Variants in SBF1 observed in about 807,000 individuals in gnomAD.
The protein encoded by SBF1 is myotubularin-related protein 5.
A neutral mutation model predicts 215.8 loss-of-function variants in SBF1; 65 were observed. That is an observed-to-expected ratio of 0.30 (90% CI 0.25 to 0.37). SBF1 has a LOEUF of 0.37. SBF1 is among the 10% of genes least tolerant of loss of function. SBF1 has a pLI of 1.00. For missense variants in SBF1, 2,634 were observed against 2,667.8 expected, an observed-to-expected ratio of 0.99 and a Z score of 0.28; for synonymous variants, 1,410 against 1,122.8, an observed-to-expected ratio of 1.26 and a Z score of -5.11.
chr22:50,470,701 C>T (rs1377613923), intron 1 of SBF1, among the ~76,000 whole-genome samples: 1 of 152,202 alleles, frequency 6.6e-6, no homozygotes, highest in African/African-American at 2.4e-5. Flanking sequence ...TGGGACGGAC[C>T]ACAGGCTAAT....
Position 50,461,167 on chromosome 22 carries a change from T to C in SBF1, c.2959A>G (p.Thr987Ala), listed in dbSNP as rs768291509. 2 of 1,604,758 alleles carry C rather than the reference T, an allele frequency of 1.2e-6. No homozygotes were observed. The highest frequency in any genetic ancestry group is 3.4e-5 in the Admixed American group (2 of 59,346). The change falls in exon 23 of 41, where the codon ACA becomes GCA. Residue 987 changes from threonine (T) to alanine (A), a missense_variant. Transcript: ENST00000380817. ...LQDGLQLRSCTFQLLKMAFDE... is the reference protein window; with the variant it reads ...LQDGLQLRSCAFQLLKMAFDE... ...CGCGCACCGCGCCCCACCTGGAATG[T>C]GCAGGAGCGCAGCTGGAGCCCGTCC...
Position 50,451,166 on chromosome 22 carries a change from C to CA in SBF1, c.5044-2517dup, listed in dbSNP as rs58188399. 8.9e-3 allele frequency among the ~76,000 whole-genome samples: 738 copies of CA among 83,166 alleles called. 55 individuals are homozygous for CA. The highest frequency in any genetic ancestry group is 0.02 in the African/African-American group (370 of 18,702). 54.6% of individuals were successfully genotyped at this position (83,166 alleles called of 152,430 possible). A position where few individuals can be genotyped will look rare whatever the true frequency, so the allele number is the denominator to read the frequency against. On this transcript the variant is annotated intron_variant, in intron 36 of 40. Coordinates refer to ENST00000380817, the MANE Select transcript of SBF1 (RefSeq NM_002972.4). ...GTGACATAGGGAGACCCCATCTCTA[C>CA]AAAAAAAAAAAAAAAAAAAAAAAAA...
At chr22:50,470,365 T>C (rs1453143432) in intron 1 of SBF1, among the ~76,000 whole-genome samples, 1 of 152,132 alleles carries the variant, frequency 6.6e-6, no homozygotes, top group African/African-American at 2.4e-5. Flanking sequence ...ACCATCTACC[T>C]TGACCCTCTC....
chr22:50,454,569 C>G lies in SBF1; in HGVS notation c.4986G>C (p.Trp1662Cys), dbSNP rs1211341857. The change falls in exon 36 of 41, where the codon TGG becomes TGC. Residue 1662 changes from tryptophan to cysteine, a missense_variant. By Grantham distance (215) the Trp-to-Cys change is radical. Transcript: ENST00000380817. ...GAPQSRRRVV[W>C]PCYDSCPRAQ... is the part of the protein sequence containing the mutation. ...CCCGCGGGCAGCTGTCGTAACAGGG[C>G]CACACCACGCGGCGCCTGCTCTGGG... 1.2e-6 allele frequency: 2 copies of G among 1,611,600 alleles called. No homozygotes were observed. The highest frequency in any genetic ancestry group is 2.2e-5 in the East Asian group (1 of 44,874).
rs568891802 is a variant in SBF1, at chr22:50,463,218, G to A, written c.1899+65C>T. 4.8e-5 allele frequency: 76 copies of A among 1,590,380 alleles called. 2 individuals are homozygous for A. In the South Asian group the frequency reaches 7.1e-4, roughly 15 times the overall value. ...CTCTCCACTCTCACTCACAGACCAG[G>A]GTCTGCCCGCCTGTTCCCGCTCATG... is the stretch of plus-strand genomic sequence containing the variant. On this transcript the variant is annotated intron_variant, in intron 16 of 40. Coordinates refer to ENST00000380817, the MANE Select transcript of SBF1 (RefSeq NM_002972.4).
In SBF1 at chr22:50,446,607, A is replaced by G; in HGVS notation, c.*535T>C. 5.8e-6 allele frequency: 2 copies of G among 342,084 alleles called. No homozygotes were observed. Among genetic ancestry groups the G allele is most frequent in the South Asian group, 4.5e-5 (2 of 43,996 alleles). 21.2% of individuals were successfully genotyped at this position (342,084 alleles called of 1,614,324 possible). On this transcript the variant is annotated 3_prime_UTR_variant, in exon 41 of 41. Coordinates refer to ENST00000380817, the MANE Select transcript of SBF1 (RefSeq NM_002972.4). The stretch of plus-strand genomic sequence containing the variant: ...AGGGAATCAAGCAAGTCCCCAGTGA[A>G]GCCTCCTGCTCGATCCGCCCCCAGA...
chr22:50,463,376 G>A lies in SBF1; in HGVS notation c.1806C>T (p.Ala602=). ...LKGRAARRCL[A]QELHLHVQQN... Reference sequence around the variant, plus strand: ...GCTGCACATGCAGGTGCAGCTCCTGGGCGAGGCAGCGGCGGGCAGCTCGCC... The same window carrying A: ...GCTGCACATGCAGGTGCAGCTCCTGAGCGAGGCAGCGGCGGGCAGCTCGCC... The change falls in exon 16 of 41, where the codon GCC becomes GCT. Residue 602 remains alanine (A), a synonymous_variant. Coordinates refer to ENST00000380817, the MANE Select transcript of SBF1 (RefSeq NM_002972.4). 1 of 1,605,650 alleles carries A rather than the reference G, an allele frequency of 6.2e-7. No individual in the cohort carries two copies.
intron 23 of SBF1, 42 bp downstream of exon 23, chr22:50,461,117 C>T (rs749971868): frequency 4.0e-5 from 62 of 1,551,688 alleles, no homozygotes; most frequent in Non-Finnish European, 5.2e-5. Flanking sequence ...GGAGAAAGAC[C>T]AGGGCGGGGG....
At chr22:50,458,886 C>T (rs760739623) in intron 28 of SBF1, among the ~76,000 whole-genome samples, 21 of 152,192 alleles carry the variant, frequency 1.4e-4, no homozygotes, top group Non-Finnish European at 2.4e-4. Flanking sequence ...AACAGTGACA[C>T]TGGGAGGGAA....
intron 36 of SBF1, among the ~76,000 whole-genome samples, chr22:50,450,866 G>A (rs925138752): frequency 2.6e-5 from 4 of 152,120 alleles, no homozygotes; most frequent in Non-Finnish European, 4.4e-5. Context: ...CCAGCACTTC[G>A]GGAGGCCGAG....
intron 2 of SBF1, 98 bp downstream of exon 2, chr22:50,468,278 C>T (rs919508065): frequency 1.2e-5 from 14 of 1,171,554 alleles, no homozygotes; most frequent in African/African-American, 4.6e-5. Context: ...AGCGGGGGGC[C>T]GGGCACTGTG....
At position 50,459,287 on chromosome 22, in the gene SBF1, C is replaced by T; in HGVS notation, c.3794G>A (p.Ser1265Asn). 2 of 1,610,318 alleles carry T rather than the reference C, an allele frequency of 1.2e-6. No homozygotes were observed. Among genetic ancestry groups the T allele is most frequent in the Non-Finnish European group, 1.7e-6 (2 of 1,177,504 alleles). ...YADASGRNTLSGFSSAHMGSH... is the reference protein window; with the variant it reads ...YADASGRNTLNGFSSAHMGSH... ...GCCCATGTGGGCTGAGGAGAAGCCG[C>T]TAAGCGTGTTGCGTCCCGACGCGTC... Residue 1265 changes from serine (S) to asparagine (N), a missense_variant, in exon 28 of 41, where the codon AGC (serine) becomes AAC (asparagine). By Grantham distance (46) the Ser-to-Asn change is conservative. Transcript: ENST00000380817.
chr22:50,467,142 G>C (rs7290903), intron 5 of SBF1, 196 bp downstream of exon 5: 1 of 600,868 alleles, frequency 1.7e-6, no homozygotes. Flanking sequence ...GAGGCTGAAC[G>C]ACACAGGCCC....
At chr22:50,468,493 AACCCGCCCCCC>A in intron 1 of SBF1, 32 bp from the exon 2 acceptor site, 1 of 1,333,980 alleles carries the variant, frequency 7.5e-7, no homozygotes, top group Non-Finnish European at 1.0e-6. Flanking sequence ...CAGAGCACCC[AACCCGCCCCCC>A]ACCCACCAGG....
intron 28 of SBF1, chr22:50,457,360 C>T: frequency 2.3e-6 from 1 of 426,580 alleles, no homozygotes; most frequent in Non-Finnish European, 4.1e-6. Flanking sequence ...ATCCCGGGCT[C>T]TCCTCTAACA....
At chr22:50,470,259 G>A (rs1207912010) in intron 1 of SBF1, among the ~76,000 whole-genome samples, 1 of 152,176 alleles carries the variant, frequency 6.6e-6, no homozygotes, top group African/African-American at 2.4e-5. Flanking sequence ...AGGAAGAGGG[G>A]TTTATGAACA....
At position 50,474,965 on chromosome 22, in the gene SBF1, C is replaced by CGCGGCGGCGGCG. The variant is rs71198252; in HGVS notation, c.-137_-126dup. 2.1e-4 allele frequency: 59 copies of CGCGGCGGCGGCG among 276,828 alleles called. No individual in the cohort carries two copies. Among genetic ancestry groups the CGCGGCGGCGGCG allele is most frequent in the East Asian group, 1.5e-3 (10 of 6,798 alleles). The allele number at this position is 276,828 out of a possible 1,614,324, so 17.1% of individuals were successfully genotyped here. A position where few individuals can be genotyped will look rare whatever the true frequency, so the allele number is the denominator to read the frequency against. On this transcript the variant is annotated 5_prime_UTR_variant, in exon 1 of 41. Coordinates refer to ENST00000380817, the MANE Select transcript of SBF1 (RefSeq NM_002972.4). Reference sequence around the variant, plus strand: ...CACCCCGGACACCCCTGGTTCGCTCCGCGGCGGCGGCGGCGGCGGCGGCGG... The same window carrying CGCGGCGGCGGCG: ...CACCCCGGACACCCCTGGTTCGCTCCGCGGCGGCGGCGGCGGCGGCGGCGGCGGCGGCGGCGG...
At position 50,456,492 on chromosome 22, in the gene SBF1, C is replaced by T; in HGVS notation, c.4086G>A (p.Lys1362=). 1 of 1,545,140 alleles carries T rather than the reference C, an allele frequency of 6.5e-7. No individual in the cohort carries two copies. The highest frequency in any genetic ancestry group is 8.7e-7 in the Non-Finnish European group (1 of 1,145,520). Reference sequence around the variant, plus strand: ...CCCCCACCCCCCGCACCCCAGTCACCTTGAGCTGGGCTTTGTCCCCAAGGA... The same window carrying T: ...CCCCCACCCCCCGCACCCCAGTCACTTTGAGCTGGGCTTTGTCCCCAAGGA... ...LYILGDKAQL[K]GVRSDPLQQW... is the part of the protein sequence containing the mutation. The change falls in exon 30 of 41, where the codon AAG becomes AAA. Residue 1362 remains lysine (K), a splice_region_variant and synonymous_variant. Coordinates refer to ENST00000380817, the MANE Select transcript of SBF1 (RefSeq NM_002972.4).
intron 36 of SBF1, among the ~76,000 whole-genome samples, chr22:50,453,850 T>TC (rs1269781734): frequency 1.3e-5 from 2 of 150,030 alleles, no homozygotes; most frequent in Admixed American, 6.6e-5. Context: ...TGAGTGCAGG[T>TC]CCCCCCGTGG....
Sources: allele counts gnomAD v4.1 joint callset (sites outside exome capture counted in the v4.1 genomes callset), GRCh38; gene constraint gnomAD v4.1.1; transcripts MANE v1.5; gene names NCBI Gene and HGNC (gene_info 2026-07-23, HGNC 2026-07-21).